Variants in TTC39C observed in about 807,000 individuals in gnomAD.
TTC39C encodes the protein tetratricopeptide repeat domain 39C.
In TTC39C, 33 loss-of-function variants were observed where a neutral mutation model predicts 76.3. The observed-to-expected ratio is 0.43, with a 90% CI of 0.33 to 0.58. The LOEUF (loss-of-function observed/expected upper bound fraction) is 0.58, where lower values mean the gene tolerates loss of function less well. Ranked by LOEUF, TTC39C falls within the 20% of genes least tolerant of loss-of-function variation. TTC39C has a pLI of 0.04. For synonymous variants in TTC39C, 254 were observed against 260.6 expected (o/e 0.97, Z 0.24); for missense variants, 595 against 701.4 (o/e 0.85, Z 1.71).
intron 4 of TTC39C, among the ~76,000 whole-genome samples, chr18:24,069,909 T>C (rs2084216733): frequency 6.6e-6 from 1 of 152,194 alleles, no homozygotes; most frequent in Non-Finnish European, 1.5e-5. Context: ...GTTATGGGTG[T>C]CTCTGATATT....
At chr18:24,020,439 C>T (rs371089358) in intron 1 of TTC39C, 43 of 422,584 alleles carry the variant, frequency 1.0e-4, no homozygotes, top group African/African-American at 2.6e-4. Flanking sequence ...ATACACAATG[C>T]GAAAGATGTG....
intron 8 of TTC39C, among the ~76,000 whole-genome samples, chr18:24,122,895 T>G (rs1468604845): frequency 6.6e-6 from 1 of 152,258 alleles, no homozygotes; most frequent in African/African-American, 2.4e-5. Flanking sequence ...AAAACCACTT[T>G]GGTTCTCCTA....
intron 1 of TTC39C, 53 bp downstream of exon 1, chr18:24,015,091 G>C: frequency 7.4e-7 from 1 of 1,358,344 alleles, no homozygotes; most frequent in South Asian, 1.8e-5. Context: ...CTCGTGTCCG[G>C]CTCACGCGCC....
At chr18:24,073,875 G>A (rs576985609) in intron 4 of TTC39C, among the ~76,000 whole-genome samples, 55 of 152,258 alleles carry the variant, frequency 3.6e-4, no homozygotes, top group Middle Eastern at 3.4e-3. Context: ...TTTACTGCAG[G>A]TATCACATAG....
chr18:24,074,494 GA>G (rs1305887214), intron 4 of TTC39C, among the ~76,000 whole-genome samples: 3 of 152,192 alleles, frequency 2.0e-5, no homozygotes, highest in Non-Finnish European at 4.4e-5. Context: ...CATTCAGGAA[GA>G]TATTGGGATT....
chr18:24,119,370 A>C (rs1012178691), intron 8 of TTC39C, among the ~76,000 whole-genome samples: 10 of 152,232 alleles, frequency 6.6e-5, no homozygotes, highest in African/African-American at 2.2e-4. Context: ...CTTAAAATTC[A>C]AGACTAATCC....
At chr18:24,062,541 C>T (rs1235582887) in intron 1 of TTC39C, among the ~76,000 whole-genome samples, 2 of 152,176 alleles carry the variant, frequency 1.3e-5, no homozygotes, top group African/African-American at 2.4e-5. Context: ...ACAGATGCTA[C>T]AGGAGTGTGC....
At chr18:24,064,330 C>T in intron 2 of TTC39C, 142 bp downstream of exon 2, 4 of 819,886 alleles carry the variant, frequency 4.9e-6, no homozygotes, top group Non-Finnish European at 7.2e-6. Flanking sequence ...TTGCCTATTA[C>T]CCAATGCCTA....
At chr18:24,092,058 A>G (rs983219874) in intron 6 of TTC39C, among the ~76,000 whole-genome samples, 9 of 131,684 alleles carry the variant, frequency 6.8e-5, no homozygotes, top group Non-Finnish European at 1.4e-4. Flanking sequence ...GCATCACTGC[A>G]CTCCAGCCTG....
chr18:24,134,367 G>A lies in TTC39C; in HGVS notation c.*1793G>A, dbSNP rs1290172112. ...TGGCTCACTGCAACCTCTGCCTCCT[G>A]GGTTCACACCATTCTCCTGCCTCAG... On this transcript the variant is annotated 3_prime_UTR_variant, in exon 14 of 14. Coordinates refer to ENST00000317571, the MANE Select transcript of TTC39C (RefSeq NM_001135993.2). The A allele has an allele frequency of 6.9e-6, 1 of 145,836 alleles. No homozygotes were observed. The highest frequency in any genetic ancestry group is 1.5e-5 in the Non-Finnish European group (1 of 67,460). The allele number at this position is 145,836 out of a possible 1,614,324, so 9.0% of individuals were successfully genotyped here. A position where few individuals can be genotyped will look rare whatever the true frequency, so the allele number is the denominator to read the frequency against.
rs1309852697 is a variant in TTC39C at position 24,016,648 on chromosome 18, A to C, written c.167+1610A>C. On this transcript the variant is annotated intron_variant, in intron 1 of 13. Transcript: ENST00000317571. ...ATTTTTGCACTATCTAAGAAATTTT[A>C]TGCACTGTTAATAGAAGGCAGTATA... The C allele has an allele frequency of 1.3e-5, 5 of 398,434 alleles. No individual in the cohort carries two copies. The Admixed American group carries it at 2.2e-4, about 18-fold the overall frequency. The allele number at this position is 398,434 out of a possible 1,614,324, so 24.7% of individuals were successfully genotyped here. A position where few individuals can be genotyped will look rare whatever the true frequency, so the allele number is the denominator to read the frequency against.
At chr18:24,037,683 T>G (rs1465158923) in intron 1 of TTC39C, among the ~76,000 whole-genome samples, 1 of 152,194 alleles carries the variant, frequency 6.6e-6, no homozygotes, top group Non-Finnish European at 1.5e-5. Flanking sequence ...CTACAACACT[T>G]TGGTATTATC....
intron 1 of TTC39C, chr18:24,019,709 A>G: frequency 1.6e-6 from 1 of 635,192 alleles, no homozygotes; most frequent in Non-Finnish European, 2.6e-6. Flanking sequence ...GCCTGACACC[A>G]GCTTTTGTAA....
At chr18:24,054,069 C>T (rs2083985646) in intron 1 of TTC39C, among the ~76,000 whole-genome samples, 1 of 152,050 alleles carries the variant, frequency 6.6e-6, no homozygotes. Flanking sequence ...AAAAAGTGAT[C>T]CTCAAATCAC....
intron 10 of TTC39C, 127 bp downstream of exon 10, chr18:24,125,677 T>G: frequency 7.9e-7 from 1 of 1,270,422 alleles, no homozygotes; most frequent in Non-Finnish European, 1.1e-6. Flanking sequence ...TACACATCTC[T>G]CCTTAGATAG....
intron 6 of TTC39C, among the ~76,000 whole-genome samples, chr18:24,092,099 A>T (rs1453158512): frequency 1.3e-3 from 117 of 87,332 alleles, no homozygotes; most frequent in Middle Eastern, 6.4e-3. Flanking sequence ...TCTCAAAAAA[A>T]AAAAAAAAAA....
At chr18:24,076,727 T>G (rs2084312094) in intron 4 of TTC39C, 1 of 152,138 alleles carries the variant, frequency 6.6e-6, no homozygotes, top group Non-Finnish European at 1.5e-5. Context: ...CATCTTTGAC[T>G]CAGTCAAAAA....
At chr18:24,114,099 G>A (rs989068163) in intron 6 of TTC39C, 7 of 266,276 alleles carry the variant, frequency 2.6e-5, no homozygotes, top group Admixed American at 5.1e-5. Context: ...GGGCGCACAC[G>A]GGGATGAAAT....
intron 7 of TTC39C, among the ~76,000 whole-genome samples, chr18:24,115,628 C>T (rs760709253): frequency 1.3e-5 from 2 of 152,198 alleles, no homozygotes; most frequent in African/African-American, 2.4e-5. Context: ...CAGTTGACAC[C>T]TGTCAGTTTG....
Sources: gnomAD v4.1 joint callset for allele counts (sites outside exome capture counted in the v4.1 genomes callset) on GRCh38, gnomAD v4.1.1 for gene constraint, MANE v1.5 for transcripts, NCBI Gene and HGNC (gene_info 2026-07-23, HGNC 2026-07-21) for gene names.